Variants in USP25 observed in about 807,000 individuals in gnomAD.
The protein encoded by USP25 is ubiquitin carboxyl-terminal hydrolase 25.
In USP25, 85 loss-of-function variants were observed where a neutral mutation model predicts 158.5. The observed-to-expected ratio is 0.54, with a 90% CI of 0.45 to 0.64. The LOEUF (loss-of-function observed/expected upper bound fraction) is 0.64. USP25 is among the 30% of genes least tolerant of loss of function. The pLI, the probability that USP25 is intolerant of heterozygous loss-of-function variation, is 0.00. For synonymous variants in USP25, 464 were observed against 460.4 expected, an observed-to-expected ratio of 1.01 and a Z score of -0.10; for missense variants, 1,242 against 1,327.3, an observed-to-expected ratio of 0.94 and a Z score of 1.00.
At chr21:15,845,732 A>T (rs1465794713) in intron 18 of USP25, among the ~76,000 whole-genome samples, 5 of 152,094 alleles carry the variant, frequency 3.3e-5, no homozygotes, top group African/African-American at 1.2e-4. Flanking sequence ...AATCATCACC[A>T]CAAACTCCGA....
intron 17 of USP25, among the ~76,000 whole-genome samples, chr21:15,836,108 G>A (rs1823507808): frequency 6.6e-6 from 1 of 151,966 alleles, no homozygotes; most frequent in Non-Finnish European, 1.5e-5. Flanking sequence ...TAATCTCTCA[G>A]GTGTTCACTA....
At chr21:15,743,763 T>G (rs1484141260) in intron 1 of USP25, among the ~76,000 whole-genome samples, 1 of 152,044 alleles carries the variant, frequency 6.6e-6, no homozygotes, top group Non-Finnish European at 1.5e-5. Context: ...GGAGTTGGTC[T>G]ACTGTGGCGC....
At chr21:15,829,073 G>A (rs1335906295) in intron 14 of USP25, among the ~76,000 whole-genome samples, 4 of 151,996 alleles carry the variant, frequency 2.6e-5, no homozygotes, top group African/African-American at 7.3e-5. Context: ...CCAACACACG[G>A]GTATGATGTA....
intron 1 of USP25, among the ~76,000 whole-genome samples, chr21:15,738,863 C>G (rs781190688): frequency 2.0e-4 from 31 of 152,286 alleles, no homozygotes; most frequent in Middle Eastern, 3.4e-3. Flanking sequence ...AGACATTGCA[C>G]AGACACTGTG....
At chr21:15,734,793 G>A (rs754293247) in intron 1 of USP25, among the ~76,000 whole-genome samples, 9 of 151,788 alleles carry the variant, frequency 5.9e-5, no homozygotes, top group Non-Finnish European at 1.0e-4. Flanking sequence ...ACTAGATTTA[G>A]ATGTTGACTG....
chr21:15,757,713 C>T (rs974217757), intron 1 of USP25, among the ~76,000 whole-genome samples: 9 of 152,166 alleles, frequency 5.9e-5, no homozygotes, highest in African/African-American at 1.9e-4. Flanking sequence ...GCTAGCCCAG[C>T]GATGCAGGTA....
At chr21:15,872,078 CTGTTT>C (rs1349707998) in intron 23 of USP25, among the ~76,000 whole-genome samples, 4 of 108,608 alleles carry the variant, frequency 3.7e-5, no homozygotes. Flanking sequence ...TTGTAGCTAG[CTGTTT>C]GTAAAATATT....
chr21:15,750,586 G>A (rs767614883), intron 1 of USP25, among the ~76,000 whole-genome samples: 5 of 151,498 alleles, frequency 3.3e-5, no homozygotes, highest in African/African-American at 9.7e-5. Context: ...AATGCTCAGC[G>A]TATATGGTTA....
chr21:15,773,827 T>G (rs1229086893), intron 3 of USP25, among the ~76,000 whole-genome samples: 1 of 152,208 alleles, frequency 6.6e-6, no homozygotes, highest in African/African-American at 2.4e-5. Flanking sequence ...AATAACATAT[T>G]TTATGAAAAA....
Position 15,874,420 on chromosome 21 carries a change from T to C in USP25, c.2903T>C (p.Leu968Pro), listed in dbSNP as rs751192649. The change falls in exon 24 of 26, where the codon CTG (leucine) becomes CCG (proline). Residue 968 changes from leucine to proline, a missense_variant. Around this residue, in one of 3 missense-constraint regions of USP25, gnomAD observed 608 missense variants for 605.2 expected, o/e 1.00. Coordinates refer to ENST00000400183, the MANE Select transcript of USP25 (RefSeq NM_001283041.3). Reference sequence around the variant, plus strand: ...TTTTCAAGTTATATAGATTCCTTGCTGTTCCTCATCTGTGCTTATCAGAAT... The same window carrying C: ...TTTTCAAGTTATATAGATTCCTTGCCGTTCCTCATCTGTGCTTATCAGAAT... ...FQRESYIDSL[L>P]FLICAYQNNK... The C allele has an allele frequency of 6.2e-7, 1 of 1,606,450 alleles. No individual in the cohort carries two copies. The highest frequency in any genetic ancestry group is 2.2e-5 in the East Asian group (1 of 44,666).
chr21:15,750,626 A>G (rs1449546645), intron 1 of USP25, among the ~76,000 whole-genome samples: 1 of 149,004 alleles, frequency 6.7e-6, no homozygotes, highest in Non-Finnish European at 1.5e-5. Context: ...TTTTTTTTTG[A>G]GATAGAGTCT....
chr21:15,770,900 A>G (rs2034312869), intron 3 of USP25, among the ~76,000 whole-genome samples: 1 of 152,180 alleles, frequency 6.6e-6, no homozygotes, highest in Non-Finnish European at 1.5e-5. Flanking sequence ...GTGGAGTGGG[A>G]AACAATTTAT....
chr21:15,798,577 C>A (rs927003335), intron 5 of USP25, among the ~76,000 whole-genome samples: 54 of 151,216 alleles, frequency 3.6e-4, no homozygotes, highest in African/African-American at 1.3e-3. Context: ...GACTGTAATC[C>A]CTACAAGGGC....
intron 1 of USP25, among the ~76,000 whole-genome samples, chr21:15,735,931 C>G (rs2031451084): frequency 6.7e-6 from 1 of 150,030 alleles, no homozygotes; most frequent in African/African-American, 2.5e-5. Context: ...ATTTAGGTTT[C>G]TGTATTTATT....
intron 17 of USP25, 89 bp downstream of exon 17, chr21:15,833,637 A>G (rs1601070854): frequency 8.6e-7 from 1 of 1,162,270 alleles, no homozygotes; most frequent in Non-Finnish European, 1.2e-6. Flanking sequence ...TAGCTATCTT[A>G]AAGTGTGAGG....
At chr21:15,862,962 G>C (rs186617079) in intron 20 of USP25, among the ~76,000 whole-genome samples, 3 of 151,496 alleles carry the variant, frequency 2.0e-5, no homozygotes, top group African/African-American at 4.8e-5. Context: ...ACATCTAGAC[G>C]TCAAAGAATT....
intron 3 of USP25, among the ~76,000 whole-genome samples, chr21:15,770,760 A>C (rs552406851): frequency 5.3e-5 from 8 of 152,182 alleles, no homozygotes; most frequent in Non-Finnish European, 1.0e-4. Flanking sequence ...AGTGCACATA[A>C]TGCTACATTT....
chr21:15,874,438 A>C lies in USP25; in HGVS notation c.2921A>C (p.Tyr974Ser). ...IDSLLFLICA[Y>S]QNNKELLSKG... is the part of the protein sequence containing the mutation. Reference sequence around the variant, plus strand: ...TCCTTGCTGTTCCTCATCTGTGCTTATCAGAATAACAAAGAACTCTTGTCT... The same window carrying C: ...TCCTTGCTGTTCCTCATCTGTGCTTCTCAGAATAACAAAGAACTCTTGTCT... The change falls in exon 24 of 26, where the codon TAT becomes TCT. Residue 974 changes from tyrosine to serine, a missense_variant. Tyr to Ser is a moderately radical substitution (Grantham distance 144, BLOSUM62 -2). Around this residue, in one of 3 missense-constraint regions of USP25, gnomAD observed 608 missense variants for 605.2 expected, o/e 1.00. Transcript: ENST00000400183. 4 of 1,610,682 alleles carry C rather than the reference A, an allele frequency of 2.5e-6. No individual in the cohort carries two copies. The highest frequency in any genetic ancestry group is 3.4e-6 in the Non-Finnish European group (4 of 1,177,906).
chr21:15,877,733 C>A (rs1229972651), intron 24 of USP25, 63 bp from the exon 25 acceptor site: 14 of 1,177,690 alleles, frequency 1.2e-5, no homozygotes, highest in Middle Eastern at 2.8e-4. Flanking sequence ...TTAATACTTA[C>A]AGATCCTTAA....
Sources: gnomAD v4.1 joint callset for allele counts (sites outside exome capture counted in the v4.1 genomes callset) on GRCh38, gnomAD v4.1.1 for gene constraint, gnomAD v4.1.1 regional missense constraint, MANE v1.5 for transcripts, NCBI Gene and HGNC (gene_info 2026-07-23, HGNC 2026-07-21) for gene names.